The following APBA1 variants were observed in gnomAD, a reference collection of about 807,000 sequenced individuals.
The protein encoded by APBA1 is amyloid-beta A4 precursor protein-binding family A member 1.
In APBA1, 55 loss-of-function variants were observed where a neutral mutation model predicts 86.6. The ratio of observed to expected loss-of-function variants is 0.64; its 90% CI spans 0.51 to 0.80. APBA1 has a LOEUF of 0.80. Ranked by LOEUF, APBA1 falls within the 30% of genes least tolerant of loss-of-function variation. APBA1 has a pLI of 0.00. For synonymous variants in APBA1, 511 were observed against 493.9 expected, an observed-to-expected ratio of 1.03 and a Z score of -0.46; for missense variants, 1,090 against 1,183.0, an observed-to-expected ratio of 0.92 and a Z score of 1.15.
At chr9:69,554,676 G>T (rs536575051) in intron 1 of APBA1, among the ~76,000 whole-genome samples, 5 of 152,108 alleles carry the variant, frequency 3.3e-5, no homozygotes, top group African/African-American at 1.2e-4. Flanking sequence ...CATTTCATCA[G>T]TTCTAATTTT....
At chr9:69,591,752 T>C (rs1035965719) in intron 1 of APBA1, among the ~76,000 whole-genome samples, 1 of 152,350 alleles carries the variant, frequency 6.6e-6, no homozygotes, top group East Asian at 1.9e-4. Flanking sequence ...ACAGATCCGT[T>C]AAAATACTTT....
intron 1 of APBA1, among the ~76,000 whole-genome samples, chr9:69,532,710 A>G (rs934798390): frequency 3.3e-5 from 5 of 152,150 alleles, no homozygotes; most frequent in Non-Finnish European, 7.3e-5. Context: ...TCAGTGTACA[A>G]TACCAAACCT....
In APBA1 at chr9:69,471,663, G is replaced by A. The variant is rs766297120; in HGVS notation, c.1329C>T (p.Tyr443=). The A allele has an allele frequency of 2.4e-5, 39 of 1,613,270 alleles. No homozygotes were observed. The highest frequency in any genetic ancestry group is 3.3e-5 in the Admixed American group (2 of 59,944). Residue 443 remains tyrosine (Y), a synonymous_variant, in exon 4 of 13, where the codon TAC becomes TAT. Coordinates refer to ENST00000265381, the MANE Select transcript of APBA1 (RefSeq NM_001163.4). ...SRKSLASFPT[Y]VEVPGPCDPE... is the part of the protein sequence containing the mutation. Reference sequence around the variant, plus strand: ...TTTCTTTTCAGCTCTTACCTTCAACGTAGGTTGGGAATGAAGCCAAGCTTT... The same window carrying A: ...TTTCTTTTCAGCTCTTACCTTCAACATAGGTTGGGAATGAAGCCAAGCTTT...
At chr9:69,659,076 TA>T (rs2134024390) in intron 1 of APBA1, among the ~76,000 whole-genome samples, 1 of 152,280 alleles carries the variant, frequency 6.6e-6, no homozygotes, top group Admixed American at 6.5e-5. Context: ...GCAGCACATA[TA>T]CACACAAACC....
chr9:69,565,882 C>A (rs558594422), intron 1 of APBA1, among the ~76,000 whole-genome samples: 48 of 152,342 alleles, frequency 3.2e-4, no homozygotes, highest in African/African-American at 1.1e-3. Flanking sequence ...AATGGAATCA[C>A]GTCCCTCCTC....
chr9:69,633,170 C>A (rs1032236525), intron 1 of APBA1, among the ~76,000 whole-genome samples: 11 of 151,446 alleles, frequency 7.3e-5, no homozygotes, highest in Admixed American at 7.2e-4. Flanking sequence ...AATCTCTTGG[C>A]CCCTTCAGGC....
intron 1 of APBA1, among the ~76,000 whole-genome samples, chr9:69,538,622 C>A (rs1215871700): frequency 6.6e-6 from 1 of 152,192 alleles, no homozygotes; most frequent in Non-Finnish European, 1.5e-5. Flanking sequence ...GGACCTCAAA[C>A]AAGTTTGCTG....
chr9:69,568,160 A>G (rs1250075988), intron 1 of APBA1, among the ~76,000 whole-genome samples: 1 of 152,160 alleles, frequency 6.6e-6, no homozygotes, highest in Admixed American at 6.5e-5. Context: ...AGAGCAACAG[A>G]AAGCCACAAG....
In APBA1 at chr9:69,533,301, G is replaced by A. The variant is rs1192802803; in HGVS notation, c.-69-16022C>T. On this transcript the variant is annotated intron_variant, in intron 1 of 12. Coordinates refer to ENST00000265381, the MANE Select transcript of APBA1 (RefSeq NM_001163.4). ...GTAGATTGGGGACTGGGATGGGATA[G>A]AGGCTTTTAAGCATATTCCTTTTTG... Among the ~76,000 whole-genome samples the A allele has an allele frequency of 3.3e-5, 5 of 152,160 alleles. No individual in the cohort carries two copies. The East Asian group carries it at 7.7e-4, about 23-fold the overall frequency.
chr9:69,546,463 A>G (rs1836699146), intron 1 of APBA1, among the ~76,000 whole-genome samples: 1 of 152,182 alleles, frequency 6.6e-6, no homozygotes, highest in Non-Finnish European at 1.5e-5. Flanking sequence ...GGAGTAAGAT[A>G]ACCAAGAGGG....
At chr9:69,540,417 G>C (rs1019145345) in intron 1 of APBA1, among the ~76,000 whole-genome samples, 1 of 151,952 alleles carries the variant, frequency 6.6e-6, no homozygotes, top group African/African-American at 2.4e-5. Flanking sequence ...ATTTGTAACT[G>C]TACAATAGAG....
intron 1 of APBA1, among the ~76,000 whole-genome samples, chr9:69,591,365 C>G (rs1353900197): frequency 1.3e-5 from 2 of 152,148 alleles, no homozygotes. Context: ...ACAAATATTC[C>G]TAAATGTCTT....
intron 1 of APBA1, among the ~76,000 whole-genome samples, chr9:69,574,339 T>G (rs1218789393): frequency 1.3e-5 from 2 of 152,238 alleles, no homozygotes; most frequent in African/African-American, 4.8e-5. Flanking sequence ...CTATCTCTAA[T>G]GCAGTGATTG....
At chr9:69,504,857 G>A (rs1409241539) in intron 2 of APBA1, among the ~76,000 whole-genome samples, 2 of 152,048 alleles carry the variant, frequency 1.3e-5, no homozygotes, top group East Asian at 1.9e-4. Flanking sequence ...CTGCGGGGAG[G>A]AGGAGTCGCC....
intron 1 of APBA1, among the ~76,000 whole-genome samples, chr9:69,568,891 G>A (rs1837072266): frequency 6.6e-6 from 1 of 152,260 alleles, no homozygotes; most frequent in South Asian, 2.1e-4. Context: ...AAAAACAGTG[G>A]CTCTATTACT....
intron 1 of APBA1, among the ~76,000 whole-genome samples, chr9:69,534,838 T>G (rs1351944919): frequency 6.6e-6 from 1 of 152,242 alleles, no homozygotes; most frequent in East Asian, 1.9e-4. Flanking sequence ...CAATATCTAT[T>G]GACTTCCTAC....
intron 1 of APBA1, among the ~76,000 whole-genome samples, chr9:69,518,711 T>C (rs35920081): frequency 0.066 from 10,117 of 152,216 alleles, 396 homozygotes; most frequent in South Asian, 0.1. Context: ...TTCTTACAAA[T>C]GGACACAATG....
chr9:69,516,659 G>T lies in APBA1; in HGVS notation c.552C>A (p.Ser184=). 1 of 1,609,518 alleles carries T rather than the reference G, an allele frequency of 6.2e-7. No individual in the cohort carries two copies. Residue 184 remains serine (S), a synonymous_variant, in exon 2 of 13, where the codon TCC becomes TCA. Coordinates refer to ENST00000265381, the MANE Select transcript of APBA1 (RefSeq NM_001163.4). The surrounding 1 kb of genome is among the most constrained non-coding windows in gnomAD (Gnocchi z 7.3). ...GGCCGCCGTAGTCGGCATAGGGCTC[G>T]GAGTAGGGCTCGTCCTCACCGCGGT... ...LFHRGEDEPY[S]EPYADYGGLQ...
chr9:69,629,304 T>C (rs570679885), intron 1 of APBA1, among the ~76,000 whole-genome samples: 10 of 152,228 alleles, frequency 6.6e-5, no homozygotes, highest in East Asian at 1.9e-4. Flanking sequence ...CTGATGTTAA[T>C]GTTAACTCAT....
Sources: gnomAD v4.1 joint callset for allele counts (sites outside exome capture counted in the v4.1 genomes callset) on GRCh38, gnomAD v4.1.1 for gene constraint, Gnocchi (gnomAD v3.1) non-coding constraint, MANE v1.5 for transcripts, NCBI Gene and HGNC (gene_info 2026-07-23, HGNC 2026-07-21) for gene names.